Variants in EBF1 observed in about 807,000 individuals in gnomAD.
The protein encoded by EBF1 is EBF transcription factor 1.
In EBF1, 10 loss-of-function variants were observed where a neutral mutation model predicts 68.4. The ratio of observed to expected loss-of-function variants is 0.15; its 90% confidence interval spans 0.09 to 0.25. The LOEUF is 0.25. EBF1 is among the 10% of genes least tolerant of loss of function. The pLI, the probability that EBF1 is intolerant of heterozygous loss-of-function variation, is 1.00. For synonymous variants in EBF1, 298 were observed against 299.8 expected (o/e 0.99, Z 0.06); for missense variants, 509 against 794.4 (o/e 0.64, Z 4.32).
At chr5:158,745,776 G>C (rs189149802) in intron 10 of EBF1, among the ~76,000 whole-genome samples, 2 of 152,318 alleles carry the variant, frequency 1.3e-5, no homozygotes, top group African/African-American at 4.8e-5. Flanking sequence ...CTGTCCAGGA[G>C]AAAGTGAAAA....
At chr5:158,844,342 C>T (rs559257972) in intron 6 of EBF1, among the ~76,000 whole-genome samples, 26 of 152,110 alleles carry the variant, frequency 1.7e-4, no homozygotes, top group Middle Eastern at 6.8e-3. Flanking sequence ...TAAATCCTCA[C>T]GGAATTTCTA....
chr5:158,702,174 G>A (rs2127461831), intron 15 of EBF1, among the ~76,000 whole-genome samples: 2 of 152,280 alleles, frequency 1.3e-5, no homozygotes, highest in South Asian at 2.1e-4. Flanking sequence ...CTCCAAAGAG[G>A]CCCTTTTAAT....
At chr5:159,091,281 C>T (rs1228032893) in intron 4 of EBF1, among the ~76,000 whole-genome samples, 1 of 152,224 alleles carries the variant, frequency 6.6e-6, no homozygotes, top group East Asian at 1.9e-4. Flanking sequence ...CCGGCAATCT[C>T]TCCAAAACCA....
chr5:158,970,126 G>A (rs1230237597), intron 6 of EBF1, among the ~76,000 whole-genome samples: 3 of 152,074 alleles, frequency 2.0e-5, no homozygotes, highest in African/African-American at 7.2e-5. Context: ...TTCCACTAAT[G>A]AATCTTATAA....
At chr5:158,851,773 G>A (rs1221258019) in intron 6 of EBF1, among the ~76,000 whole-genome samples, 3 of 107,974 alleles carry the variant, frequency 2.8e-5, no homozygotes, top group African/African-American at 1.1e-4. Flanking sequence ...GGAAGGTAAG[G>A]GAAGAGAAAG....
chr5:158,864,860 G>A (rs1006815608), intron 6 of EBF1, among the ~76,000 whole-genome samples: 3 of 152,148 alleles, frequency 2.0e-5, no homozygotes, highest in African/African-American at 7.2e-5. Context: ...GTGATGCGAC[G>A]GCAGTTCCAG....
chr5:159,034,215 A>C (rs1208461270), intron 6 of EBF1, among the ~76,000 whole-genome samples: 1 of 152,234 alleles, frequency 6.6e-6, no homozygotes, highest in Non-Finnish European at 1.5e-5. Context: ...AAGAAGGGTT[A>C]ATCTTGATTG....
At chr5:158,993,647 A>G (rs1760819186) in intron 6 of EBF1, among the ~76,000 whole-genome samples, 1 of 152,136 alleles carries the variant, frequency 6.6e-6, no homozygotes, top group African/African-American at 2.4e-5. Context: ...AATGGAACTA[A>G]CAATACTCAT....
At chr5:158,791,328 A>G (rs1561937506) in intron 9 of EBF1, among the ~76,000 whole-genome samples, 1 of 151,928 alleles carries the variant, frequency 6.6e-6, no homozygotes, top group Non-Finnish European at 1.5e-5. Context: ...CAAAAAAAAA[A>G]AAAAAAAAAG....
Position 159,053,278 on chromosome 5 carries a change from T to C in EBF1, c.554+20118A>G, listed in dbSNP as rs146767118. Among the ~76,000 whole-genome samples the C allele has an allele frequency of 2.9e-3, 443 of 152,292 alleles. 4 individuals are homozygous for C. The highest frequency in any genetic ancestry group is 0.01 in the African/African-American group (422 of 41,554). On this transcript the variant is annotated intron_variant, in intron 6 of 15. Transcript: ENST00000313708. ...GGGAGAAATAAGAATACTCAGCACA[T>C]AGAATTGCTGTAAGGATTAAATGAG...
chr5:159,095,502 G>T (rs963964340), intron 4 of EBF1, 118 bp downstream of exon 4: 24 of 1,196,108 alleles, frequency 2.0e-5, no homozygotes, highest in Non-Finnish European at 2.6e-5. Flanking sequence ...GGTCTGAGCC[G>T]CCCCCGCTGG....
At chr5:159,059,614 TAGGAATTA>T (rs1156401286) in intron 6 of EBF1, among the ~76,000 whole-genome samples, 6 of 152,208 alleles carry the variant, frequency 3.9e-5, no homozygotes, top group African/African-American at 1.4e-4. Context: ...TGGCTAATTA[TAGGAATTA>T]AGGAATTAAA....
chr5:158,819,022 G>A (rs182923477), intron 8 of EBF1, among the ~76,000 whole-genome samples: 2 of 151,784 alleles, frequency 1.3e-5, no homozygotes, highest in African/African-American at 4.8e-5. Flanking sequence ...GTGAGCTCTA[G>A]AACGTGCTCA....
intron 6 of EBF1, among the ~76,000 whole-genome samples, chr5:158,858,106 T>C (rs764250176): frequency 4.6e-5 from 7 of 152,176 alleles, no homozygotes; most frequent in Non-Finnish European, 8.8e-5. Flanking sequence ...ACAATGCCTT[T>C]GAATTAGCAG....
chr5:158,784,802 A>C (rs1319871401), intron 9 of EBF1, among the ~76,000 whole-genome samples: 1 of 152,172 alleles, frequency 6.6e-6, no homozygotes, highest in Non-Finnish European at 1.5e-5. Context: ...GAAAAAGCCT[A>C]AAGTGGGCAC....
At chr5:158,981,342 T>C (rs1195157148) in intron 6 of EBF1, among the ~76,000 whole-genome samples, 1 of 152,204 alleles carries the variant, frequency 6.6e-6, no homozygotes, top group African/African-American at 2.4e-5. Flanking sequence ...ATCTTTATTG[T>C]ATGTCAAATC....
intron 3 of EBF1, among the ~76,000 whole-genome samples, chr5:159,095,935 TG>T (rs981869075): frequency 6.6e-6 from 1 of 152,202 alleles, no homozygotes; most frequent in Non-Finnish European, 1.5e-5. Context: ...GGGACTGGGA[TG>T]GGGGTACCCC....
chr5:159,063,618 C>T (rs1438062984), intron 6 of EBF1, among the ~76,000 whole-genome samples: 6 of 152,094 alleles, frequency 3.9e-5, no homozygotes. Flanking sequence ...ACCCTGAAAA[C>T]AGTGCATGAC....
At chr5:158,891,982 C>T in intron 6 of EBF1, among the ~76,000 whole-genome samples, 1 of 152,176 alleles carries the variant, frequency 6.6e-6, no homozygotes, top group East Asian at 1.9e-4. Context: ...GCACAGTCAA[C>T]ATAGCCTTTA....
Sources: gnomAD v4.1 joint callset for allele counts (sites outside exome capture counted in the v4.1 genomes callset) on GRCh38, gnomAD v4.1.1 for gene constraint, MANE v1.5 for transcripts, NCBI Gene and HGNC (gene_info 2026-07-23, HGNC 2026-07-21) for gene names.